KCNN3: variants seen among roughly 807,000 people sequenced by gnomAD.
KCNN3 encodes the protein potassium calcium-activated channel subfamily N member 3, also known as small conductance calcium-activated potassium channel protein 3.
In KCNN3, 16 loss-of-function variants were observed where a neutral mutation model predicts 62.9. The observed-to-expected ratio is 0.25, with a 90% CI of 0.17 to 0.39. KCNN3 has a LOEUF of 0.39. Among genes scored for constraint, KCNN3 ranks in the 10% least tolerant of loss-of-function variants. The pLI is 1.00. For synonymous variants in KCNN3, 370 were observed against 389.2 expected (o/e 0.95, Z 0.58); for missense variants, 599 against 949.4 (o/e 0.63, Z 4.85).
chr1:154,709,455 T>C (rs914576230), intron 7 of KCNN3, among the ~76,000 whole-genome samples: 1 of 152,044 alleles, frequency 6.6e-6, no homozygotes, highest in Non-Finnish European at 1.5e-5. Context: ...TAGGAAGATA[T>C]GGACATGATT....
chr1:154,833,649 C>A (rs1651464849), intron 1 of KCNN3, among the ~76,000 whole-genome samples: 1 of 152,216 alleles, frequency 6.6e-6, no homozygotes, highest in African/African-American at 2.4e-5. Flanking sequence ...ACAGAAAGGG[C>A]TGATAATGCC....
chr1:154,762,613 T>C (rs1648068910), intron 3 of KCNN3, among the ~76,000 whole-genome samples: 1 of 152,232 alleles, frequency 6.6e-6, no homozygotes, highest in Admixed American at 6.5e-5. Flanking sequence ...ATTTGCTCTT[T>C]AAATAAGTTC....
chr1:154,842,636 C>T (rs895402120), intron 1 of KCNN3, among the ~76,000 whole-genome samples: 1 of 14,640 alleles, frequency 6.8e-5, no homozygotes, highest in Non-Finnish European at 2.4e-4. Context: ...GGGACCCCCC[C>T]CCCGCCACCA....
At chr1:154,821,322 G>A (rs951241) in intron 2 of KCNN3, among the ~76,000 whole-genome samples, 24,705 of 152,186 alleles carry the variant, frequency 0.16, 2,310 homozygotes, top group African/African-American at 0.26. Flanking sequence ...CATCTGGATA[G>A]TTTAGAACTT....
intron 1 of KCNN3, chr1:154,859,883 A>T: frequency 6.7e-7 from 1 of 1,494,290 alleles, no homozygotes; most frequent in Non-Finnish European, 9.0e-7. Context: ...CTTTAAGAAA[A>T]ATGCCCAACA....
chr1:154,798,401 G>A (rs1325382351), intron 2 of KCNN3, among the ~76,000 whole-genome samples: 1 of 152,204 alleles, frequency 6.6e-6, no homozygotes, highest in East Asian at 1.9e-4. Flanking sequence ...ACCCATGAAG[G>A]CAGCAAATAG....
intron 3 of KCNN3, among the ~76,000 whole-genome samples, chr1:154,733,759 C>G (rs1223520286): frequency 6.6e-6 from 1 of 152,116 alleles, no homozygotes; most frequent in Non-Finnish European, 1.5e-5. Context: ...TGGGAGGAAC[C>G]AACTGGAAAC....
intron 6 of KCNN3, among the ~76,000 whole-genome samples, chr1:154,714,164 GTGTGA>G (rs1700146403): frequency 1.5e-5 from 2 of 136,546 alleles, no homozygotes. Context: ...TGTATGGTGT[GTGTGA>G]TGTGTGGTGT....
At chr1:154,846,174 G>A (rs1054404886) in intron 1 of KCNN3, among the ~76,000 whole-genome samples, 1 of 152,132 alleles carries the variant, frequency 6.6e-6, no homozygotes, top group Non-Finnish European at 1.5e-5. Context: ...TCCTGACCAC[G>A]TCTAAAGGGC....
In KCNN3 at chr1:154,862,925, C is replaced by G. The variant is rs938793214; in HGVS notation, c.933+6107G>C. 1.3e-5 allele frequency among the ~76,000 whole-genome samples: 2 copies of G among 152,182 alleles called. No homozygotes were observed. The highest frequency in any genetic ancestry group is 2.9e-5 in the Non-Finnish European group (2 of 68,038). The stretch of plus-strand genomic sequence containing the variant: ...AAGGGAAAGGGCATGAACTTGGGAG[C>G]TAAACGGGCTTGGGTTCTTATCTCA... On this transcript the variant is annotated intron_variant, in intron 1 of 7. Transcript: ENST00000271915. The surrounding 1 kb of genome is among the most constrained non-coding windows in gnomAD (Gnocchi z 4.1).
At position 154,862,309 on chromosome 1, in the gene KCNN3, G is replaced by A. The variant is rs529999914; in HGVS notation, c.933+6723C>T. 6.6e-6 allele frequency among the ~76,000 whole-genome samples: 1 copy of A among 152,200 alleles called. No individual in the cohort carries two copies. The highest frequency in any genetic ancestry group is 1.5e-5 in the Non-Finnish European group (1 of 68,038). ...GAGCCCTGGGCCAGCCACCGTGAGG[G>A]TCATGAGGGACCCAGGGGTGAAAAT... On this transcript the variant is annotated intron_variant, in intron 1 of 7. Transcript: ENST00000271915. This position sits in a 1 kb window ranked among gnomAD's most constrained non-coding sequence, Gnocchi z 4.1.
At chr1:154,866,176 C>A (rs1652947500) in intron 1 of KCNN3, among the ~76,000 whole-genome samples, 2 of 152,182 alleles carry the variant, frequency 1.3e-5, no homozygotes, top group Non-Finnish European at 2.9e-5. Context: ...CAGACCCAGT[C>A]CCTTCTCAGG....
intron 4 of KCNN3, among the ~76,000 whole-genome samples, chr1:154,730,857 C>T (rs1288252263): frequency 1.3e-5 from 2 of 152,126 alleles, no homozygotes; most frequent in South Asian, 4.2e-4. Context: ...GAGCACTGCA[C>T]ACCCAGACAG....
intron 3 of KCNN3, among the ~76,000 whole-genome samples, chr1:154,746,294 G>A (rs1182956214): frequency 6.6e-6 from 1 of 152,138 alleles, no homozygotes; most frequent in Non-Finnish European, 1.5e-5. Context: ...ACTGCGCAGG[G>A]GACACACGGC....
chr1:154,868,989 T>C (rs1197592682), intron 1 of KCNN3, 43 bp downstream of exon 1: 2 of 1,583,396 alleles, frequency 1.3e-6, no homozygotes, highest in Non-Finnish European at 1.7e-6. Context: ...GCTACCTACA[T>C]ATTCCTTTTG....
intron 7 of KCNN3, among the ~76,000 whole-genome samples, chr1:154,710,258 C>T (rs745447034): frequency 6.6e-6 from 1 of 152,156 alleles, no homozygotes; most frequent in Admixed American, 6.5e-5. Flanking sequence ...AGCACAAAGA[C>T]AGAAAAGAGA....
At chr1:154,838,745 C>T (rs943254888) in intron 1 of KCNN3, among the ~76,000 whole-genome samples, 4 of 152,164 alleles carry the variant, frequency 2.6e-5, no homozygotes, top group South Asian at 2.1e-4. Context: ...ATTCTAAGTG[C>T]GTTGAGCATC....
At chr1:154,835,326 T>G (rs1651544298) in intron 1 of KCNN3, among the ~76,000 whole-genome samples, 1 of 152,176 alleles carries the variant, frequency 6.6e-6, no homozygotes, top group South Asian at 2.1e-4. Context: ...GTGTCCCAGT[T>G]TAGACAATGA....
At chr1:154,787,343 A>T (rs746780243) in intron 2 of KCNN3, among the ~76,000 whole-genome samples, 55 of 152,142 alleles carry the variant, frequency 3.6e-4, no homozygotes, top group Non-Finnish European at 6.0e-4. Context: ...GGCCAGGGCC[A>T]GGGCCAGGGC....
Sources: allele counts gnomAD v4.1 joint callset (sites outside exome capture counted in the v4.1 genomes callset), GRCh38; gene constraint gnomAD v4.1.1; non-coding constraint Gnocchi (gnomAD v3.1); transcripts MANE v1.5; gene names NCBI Gene and HGNC (gene_info 2026-07-23, HGNC 2026-07-21).